Variants in SLC24A2 observed in about 807,000 individuals in gnomAD.
SLC24A2 encodes the protein sodium/potassium/calcium exchanger 2.
Under a neutral mutation model 62.0 loss-of-function variants are expected in SLC24A2, and 36 were observed. That is an observed-to-expected ratio of 0.58 (90% confidence interval 0.44 to 0.77). The LOEUF (loss-of-function observed/expected upper bound fraction) is 0.77, where lower values mean the gene tolerates loss of function less well. Ranked by LOEUF, SLC24A2 falls within the 30% of genes least tolerant of loss-of-function variation. The pLI is 0.00. For missense variants in SLC24A2, 846 were observed against 817.9 expected, an observed-to-expected ratio of 1.03 and a Z score of -0.42; for synonymous variants, 358 against 294.0, an observed-to-expected ratio of 1.22 and a Z score of -2.23.
the SLC24A2 span, among the ~76,000 whole-genome samples, chr9:19,865,621 T>C: frequency 1.3e-5 from 2 of 152,106 alleles, no homozygotes; most frequent in Admixed American, 6.5e-5. Context: ...CTTGAATAAA[T>C]GGTGCTGGGA....
intron 2 of SLC24A2, among the ~76,000 whole-genome samples, chr9:19,768,445 C>T (rs184578233): frequency 6.6e-6 from 1 of 152,242 alleles, no homozygotes; most frequent in Admixed American, 6.5e-5. Context: ...TAGTAGCCTC[C>T]CCTTATCAGA....
At chr9:19,739,886 T>C (rs1266377960) in intron 2 of SLC24A2, among the ~76,000 whole-genome samples, 3 of 152,212 alleles carry the variant, frequency 2.0e-5, no homozygotes, top group Non-Finnish European at 4.4e-5. Context: ...CAAGTTAGAC[T>C]GGGAGAAGAT....
the SLC24A2 span, among the ~76,000 whole-genome samples, chr9:20,188,393 A>C: frequency 3.9e-5 from 6 of 152,180 alleles, no homozygotes; most frequent in African/African-American, 1.2e-4. Flanking sequence ...AACTCCAAGT[A>C]ACACTTTAGG....
chr9:19,975,112 A>G, the SLC24A2 span, among the ~76,000 whole-genome samples: 2 of 152,174 alleles, frequency 1.3e-5, no homozygotes, highest in South Asian at 4.1e-4. Context: ...CCAAGTGGAA[A>G]CAGGATCACC....
At chr9:20,247,214 G>A in the SLC24A2 span, among the ~76,000 whole-genome samples, 1 of 152,124 alleles carries the variant, frequency 6.6e-6, no homozygotes, top group Non-Finnish European at 1.5e-5. Context: ...GGCATTTCCT[G>A]ACATCTCCAC....
chr9:20,270,737 C>A, the SLC24A2 span, among the ~76,000 whole-genome samples: 8 of 152,132 alleles, frequency 5.3e-5, no homozygotes, highest in African/African-American at 1.9e-4. Flanking sequence ...AACAATGGGA[C>A]AAAAACCCGT....
chr9:19,758,170 C>A (rs1173139440), intron 2 of SLC24A2, among the ~76,000 whole-genome samples: 1 of 152,064 alleles, frequency 6.6e-6, no homozygotes, highest in Non-Finnish European at 1.5e-5. Context: ...TGCGTCTATG[C>A]TAGAATAATT....
At chr9:19,771,086 G>A (rs1301516034) in intron 2 of SLC24A2, among the ~76,000 whole-genome samples, 4 of 152,194 alleles carry the variant, frequency 2.6e-5, no homozygotes, top group Non-Finnish European at 5.9e-5. Flanking sequence ...AGAGAAGGAA[G>A]CATCATTCGG....
intron 8 of SLC24A2, among the ~76,000 whole-genome samples, chr9:19,549,025 G>T (rs990752472): frequency 2.0e-5 from 3 of 152,202 alleles, no homozygotes; most frequent in East Asian, 3.9e-4. Context: ...AATGGCCCAA[G>T]AACTCACTTC....
At chr9:19,673,054 T>C (rs1419959338) in intron 2 of SLC24A2, among the ~76,000 whole-genome samples, 2 of 146,584 alleles carry the variant, frequency 1.4e-5, no homozygotes, top group Non-Finnish European at 1.5e-5. Context: ...TAAGTGCATT[T>C]GTTCCAGGGT....
chr9:19,894,029 A>T, the SLC24A2 span, among the ~76,000 whole-genome samples: 3 of 152,166 alleles, frequency 2.0e-5, no homozygotes, highest in East Asian at 1.9e-4. Flanking sequence ...TATCTCAAAG[A>T]CTTGCCCAGC....
the SLC24A2 span, among the ~76,000 whole-genome samples, chr9:20,229,028 A>G: frequency 6.6e-6 from 1 of 152,040 alleles, no homozygotes; most frequent in African/African-American, 2.4e-5. Flanking sequence ...GCTGGGTGTG[A>G]GGTGTGACAT....
the SLC24A2 span, among the ~76,000 whole-genome samples, chr9:20,137,720 T>G: frequency 5.3e-5 from 8 of 152,188 alleles, no homozygotes; most frequent in East Asian, 7.7e-4. Context: ...GTTTAGGCTA[T>G]TTTTAGAGCT....
the SLC24A2 span, among the ~76,000 whole-genome samples, chr9:19,868,471 A>C: frequency 6.6e-6 from 1 of 152,242 alleles, no homozygotes; most frequent in Non-Finnish European, 1.5e-5. Context: ...CACAAGACGG[A>C]ATATTCTATA....
At chr9:20,230,274 G>C in the SLC24A2 span, among the ~76,000 whole-genome samples, 77 of 152,230 alleles carry the variant, frequency 5.1e-4, 1 homozygote, top group South Asian at 5.4e-3. Flanking sequence ...GGGTCAAATG[G>C]TATTTCTAGT....
At chr9:20,211,671 A>T in the SLC24A2 span, among the ~76,000 whole-genome samples, 1 of 152,218 alleles carries the variant, frequency 6.6e-6, no homozygotes, top group African/African-American at 2.4e-5. Flanking sequence ...GATTAGAAAT[A>T]AGGTGTAAAA....
the SLC24A2 span, among the ~76,000 whole-genome samples, chr9:19,931,449 T>C: frequency 1.3e-5 from 2 of 152,264 alleles, no homozygotes; most frequent in African/African-American, 4.8e-5. Context: ...CAAAAATCTA[T>C]TTAGAATGTT....
chr9:19,874,862 G>A, the SLC24A2 span, among the ~76,000 whole-genome samples: 2 of 152,094 alleles, frequency 1.3e-5, no homozygotes, highest in East Asian at 3.9e-4. Context: ...TTCAATTTTT[G>A]TCTTTAAATT....
chr9:19,567,391 A>G (rs565669222), intron 7 of SLC24A2, among the ~76,000 whole-genome samples: 4 of 151,478 alleles, frequency 2.6e-5, no homozygotes, highest in African/African-American at 9.7e-5. Context: ...CTAAAAATAC[A>G]AAAAATTAGC....
Sources: allele counts gnomAD v4.1 joint callset (sites outside exome capture counted in the v4.1 genomes callset), GRCh38; gene constraint gnomAD v4.1.1; transcripts MANE v1.5; gene names NCBI Gene and HGNC (gene_info 2026-07-23, HGNC 2026-07-21).